TRIO: variants seen among roughly 807,000 people sequenced by gnomAD.
The protein encoded by TRIO is trio Rho guanine nucleotide exchange factor.
TRIO carries 58 observed loss-of-function variants against 351.9 expected under a neutral mutation model. The observed-to-expected ratio is 0.16, with a 90% CI of 0.13 to 0.21. The LOEUF is 0.21. Among genes scored for constraint, TRIO ranks in the 10% least tolerant of loss-of-function variants. The pLI is 1.00. For synonymous variants in TRIO, 1,758 were observed against 1,595.7 expected (o/e 1.10, Z -2.42); for missense variants, 3,201 against 4,027.8 (o/e 0.79, Z 5.56).
chr5:14,221,660 A>G (rs778128010), intron 1 of TRIO, among the ~76,000 whole-genome samples: 1 of 152,258 alleles, frequency 6.6e-6, no homozygotes, highest in African/African-American at 2.4e-5. Context: ...AACTAGAGCT[A>G]CAAGTGGAGC....
At chr5:14,393,652 G>C (rs1051774244) in intron 27 of TRIO, among the ~76,000 whole-genome samples, 1 of 152,176 alleles carries the variant, frequency 6.6e-6, no homozygotes, top group Non-Finnish European at 1.5e-5. Context: ...GAGTAGCACA[G>C]ACAGGGCCTG....
intron 53 of TRIO, among the ~76,000 whole-genome samples, chr5:14,501,020 T>G (rs1360207296): frequency 4.0e-5 from 6 of 151,782 alleles, no homozygotes; most frequent in African/African-American, 1.5e-4. Flanking sequence ...GCCATTTATG[T>G]TTGGTCCACT....
rs1446641074 is a variant in TRIO at position 14,498,502 on chromosome 5, TCCC to T, written c.8211-16_8211-14del. ...TCAGCTTTTCTGATGCGCAGTGTGT[TCCC>T]ATCTGTGCCGCAGTGACCTGGGAGA... On this transcript the variant is annotated splice_polypyrimidine_tract_variant and intron_variant, in intron 52 of 56. Transcript: ENST00000344204. The T allele has an allele frequency of 6.2e-7, 1 of 1,612,306 alleles. No individual in the cohort carries two copies. The highest frequency in any genetic ancestry group is 1.7e-5 in the Admixed American group (1 of 59,956).
chr5:14,420,037 G>T lies in TRIO; in HGVS notation c.5203+16G>T. The T allele has an allele frequency of 6.2e-7, 1 of 1,606,072 alleles. No homozygotes were observed. Among genetic ancestry groups the T allele is most frequent in the Non-Finnish European group, 8.5e-7 (1 of 1,173,908 alleles). On this transcript the variant is annotated intron_variant, in intron 34 of 56. Transcript: ENST00000344204. ...AACCACAAAGGTAGGAATCAGTGGGGCATGGGTGGCAGACCCCTACTGGAA... is the reference window on the plus strand; with the variant it reads ...AACCACAAAGGTAGGAATCAGTGGGTCATGGGTGGCAGACCCCTACTGGAA...
intron 9 of TRIO, among the ~76,000 whole-genome samples, chr5:14,322,562 T>C (rs562856438): frequency 1.3e-5 from 2 of 152,324 alleles, no homozygotes; most frequent in African/African-American, 4.8e-5. Flanking sequence ...GGCCCCAGCC[T>C]ATTTCTTCGG....
chr5:14,251,969 T>TTAA lies in TRIO; in HGVS notation c.158-18856_158-18855insTAA, dbSNP rs1554041669. On this transcript the variant is annotated intron_variant, in intron 1 of 56. Transcript: ENST00000344204. Reference sequence around the variant, plus strand: ...CCAGATGGTTTTGAAAGAGGCAACTTAAAAAAAAAAAAAAAAGCCCTTCCC... The same window carrying TTAA: ...CCAGATGGTTTTGAAAGAGGCAACTTTAAAAAAAAAAAAAAAAAAGCCCTTCCC... 1.4e-3 allele frequency among the ~76,000 whole-genome samples: 190 copies of TTAA among 137,582 alleles called. 1 individual carries two copies. Among genetic ancestry groups the TTAA allele is most frequent in the African/African-American group, 4.8e-3 (174 of 36,218 alleles). The allele number at this position is 137,582 out of a possible 152,430, so 90.3% of individuals were successfully genotyped here.
intron 15 of TRIO, among the ~76,000 whole-genome samples, chr5:14,365,616 A>G (rs573683426): frequency 6.6e-6 from 1 of 152,346 alleles, no homozygotes; most frequent in African/African-American, 2.4e-5. Flanking sequence ...TCTTGCCAAA[A>G]CACAAAACAG....
rs1738882629 is a variant in TRIO, at chr5:14,311,051, T to G, written c.1501-5462T>G. Among the ~76,000 whole-genome samples the G allele has an allele frequency of 3.3e-5, 5 of 152,242 alleles. No individual in the cohort carries two copies. In the South Asian group the frequency reaches 8.3e-4, roughly 25 times the overall value. On this transcript the variant is annotated intron_variant, in intron 8 of 56. Transcript: ENST00000344204. ...GCAGTGTTGCTGTAGCGACATGCAGTGCTGTAGTCAGCATCTGCCATAGTA... is the reference window on the plus strand; with the variant it reads ...GCAGTGTTGCTGTAGCGACATGCAGGGCTGTAGTCAGCATCTGCCATAGTA...
chr5:14,412,243 C>T (rs1749268015), intron 33 of TRIO, among the ~76,000 whole-genome samples: 1 of 152,168 alleles, frequency 6.6e-6, no homozygotes, highest in Non-Finnish European at 1.5e-5. Context: ...CTGCCTCGGC[C>T]TCCCAAAGTG....
chr5:14,174,394 C>G (rs1241289467), intron 1 of TRIO, among the ~76,000 whole-genome samples: 1 of 152,184 alleles, frequency 6.6e-6, no homozygotes, highest in Non-Finnish European at 1.5e-5. Flanking sequence ...CAAAGCTGCT[C>G]CAAGTTTGTT....
intron 30 of TRIO, among the ~76,000 whole-genome samples, chr5:14,399,614 C>G (rs930823586): frequency 1.3e-5 from 2 of 152,212 alleles, no homozygotes; most frequent in African/African-American, 4.8e-5. Context: ...TATGTGGAGA[C>G]AGCTGCCCCT....
At chr5:14,213,327 C>T (rs1792028073) in intron 1 of TRIO, among the ~76,000 whole-genome samples, 2 of 149,502 alleles carry the variant, frequency 1.3e-5, no homozygotes, top group Non-Finnish European at 3.0e-5. Context: ...ATAAATGACA[C>T]TATACTATAT....
intron 34 of TRIO, among the ~76,000 whole-genome samples, chr5:14,434,134 G>A (rs1030954146): frequency 6.6e-6 from 1 of 152,114 alleles, no homozygotes; most frequent in Non-Finnish European, 1.5e-5. Flanking sequence ...TACAAGAGAA[G>A]GCTACATAAA....
chr5:14,277,158 G>T lies in TRIO; in HGVS notation c.233-3164G>T, dbSNP rs189634293. On this transcript the variant is annotated intron_variant, in intron 2 of 56. Transcript: ENST00000344204. The stretch of plus-strand genomic sequence containing the variant: ...ATCAGCGAATGAAACAAAGATGTTT[G>T]CCCTCATGGAGCTTATGTTCTAGTG... Among the ~76,000 whole-genome samples the T allele has an allele frequency of 9.8e-4, 149 of 152,300 alleles. 2 individuals are homozygous for T. Among genetic ancestry groups the T allele is most frequent in the African/African-American group, 3.3e-3 (138 of 41,562 alleles).
intron 11 of TRIO, among the ~76,000 whole-genome samples, chr5:14,348,295 G>T (rs906900830): frequency 6.6e-6 from 1 of 152,190 alleles, no homozygotes. Flanking sequence ...TAATATCCTC[G>T]AACAGATTAC....
intron 9 of TRIO, among the ~76,000 whole-genome samples, chr5:14,317,576 T>C (rs1487722650): frequency 6.6e-6 from 1 of 152,246 alleles, no homozygotes; most frequent in African/African-American, 2.4e-5. Flanking sequence ...GAGTGAGTTT[T>C]CTGCTGAATG....
intron 55 of TRIO, 24 bp from the exon 56 acceptor site, chr5:14,507,098 A>G: frequency 6.4e-7 from 1 of 1,558,052 alleles, no homozygotes; most frequent in Non-Finnish European, 8.7e-7. Flanking sequence ...GCATCATAAC[A>G]GTCACCCGCT....
At chr5:14,287,826 G>A (rs1320104748) in intron 4 of TRIO, among the ~76,000 whole-genome samples, 1 of 152,216 alleles carries the variant, frequency 6.6e-6, no homozygotes, top group African/African-American at 2.4e-5. Context: ...TGGTTGAATA[G>A]ATTGCTTCCT....
chr5:14,250,257 C>G (rs759309937), intron 1 of TRIO, among the ~76,000 whole-genome samples: 34 of 152,298 alleles, frequency 2.2e-4, no homozygotes, highest in Middle Eastern at 3.4e-3. Context: ...ACTGTCTTGA[C>G]GATACCTCTG....
Sources: gnomAD v4.1 joint callset for allele counts (sites outside exome capture counted in the v4.1 genomes callset) on GRCh38, gnomAD v4.1.1 for gene constraint, MANE v1.5 for transcripts, NCBI Gene and HGNC (gene_info 2026-07-23, HGNC 2026-07-21) for gene names.